The following WDR70 variants were observed in gnomAD, a reference collection of about 807,000 sequenced individuals.
WDR70 encodes WD repeat domain 70, also known as WD repeat-containing protein 70.
A neutral mutation model predicts 88.6 loss-of-function variants in WDR70; 53 were observed. That is an observed-to-expected ratio of 0.60 (90% CI 0.48 to 0.75). The LOEUF (loss-of-function observed/expected upper bound fraction) is 0.75, where lower values mean the gene tolerates loss of function less well. Ranked by LOEUF, WDR70 falls within the 30% of genes least tolerant of loss-of-function variation. The pLI, the probability that WDR70 is intolerant of heterozygous loss-of-function variation, is 0.00. For missense variants in WDR70, 610 were observed against 823.2 expected (o/e 0.74, Z 3.17); for synonymous variants, 280 against 270.0 (o/e 1.04, Z -0.36).
At chr5:37,591,876 G>A (rs568404846) in intron 9 of WDR70, among the ~76,000 whole-genome samples, 4 of 152,126 alleles carry the variant, frequency 2.6e-5, no homozygotes, top group Non-Finnish European at 4.4e-5. Flanking sequence ...GGATTGAAAG[G>A]ATTGAAAATC....
intron 9 of WDR70, among the ~76,000 whole-genome samples, chr5:37,593,147 C>T (rs1000150303): frequency 2.6e-5 from 4 of 152,130 alleles, no homozygotes; most frequent in Non-Finnish European, 5.9e-5. Context: ...GAGCAAGACT[C>T]TGTCTCTCTC....
chr5:37,529,526 G>T (rs1460521445), intron 9 of WDR70, among the ~76,000 whole-genome samples: 1 of 151,994 alleles, frequency 6.6e-6, no homozygotes, highest in Non-Finnish European at 1.5e-5. Context: ...TCCTTGTAGA[G>T]GTCTTTCATG....
intron 5 of WDR70, among the ~76,000 whole-genome samples, chr5:37,403,619 C>T (rs927436848): frequency 9.2e-5 from 14 of 152,310 alleles, no homozygotes; most frequent in South Asian, 6.2e-4. Flanking sequence ...ACCAATTTCA[C>T]ATAGTGGAGT....
chr5:37,628,132 C>T (rs560400625), intron 10 of WDR70, among the ~76,000 whole-genome samples: 1 of 152,264 alleles, frequency 6.6e-6, no homozygotes, highest in East Asian at 1.9e-4. Flanking sequence ...CTACATTGCC[C>T]AGGGTTGTCT....
intron 8 of WDR70, among the ~76,000 whole-genome samples, chr5:37,500,716 CTTTTTTTTTTT>C (rs550821207): frequency 3.2e-5 from 2 of 63,292 alleles, no homozygotes; most frequent in South Asian, 7.0e-4. Flanking sequence ...TATTTGTTGG[CTTTTTTTTTTT>C]TTTTTTTTTT....
intron 10 of WDR70, among the ~76,000 whole-genome samples, chr5:37,614,108 G>T (rs1271322022): frequency 6.6e-6 from 1 of 152,180 alleles, no homozygotes; most frequent in Non-Finnish European, 1.5e-5. Context: ...ATAGGCTAAA[G>T]TCTCTTTGGG....
intron 10 of WDR70, among the ~76,000 whole-genome samples, chr5:37,655,100 G>T (rs944847823): frequency 9.9e-5 from 15 of 152,020 alleles, no homozygotes; most frequent in African/African-American, 3.6e-4. Flanking sequence ...TTTCCTTTCT[G>T]TATTTATTCT....
chr5:37,530,604 G>C (rs1561890485), intron 9 of WDR70, among the ~76,000 whole-genome samples: 1 of 148,860 alleles, frequency 6.7e-6, no homozygotes, highest in East Asian at 1.9e-4. Context: ...GGTGTTCATA[G>C]TAGCCTTGAA....
intron 10 of WDR70, among the ~76,000 whole-genome samples, chr5:37,687,492 G>A (rs1342481972): frequency 6.6e-6 from 1 of 152,150 alleles, no homozygotes; most frequent in Non-Finnish European, 1.5e-5. Flanking sequence ...GATGGGGCTT[G>A]TTTTGTAGCA....
At chr5:37,725,200 A>G (rs1747936906) in intron 16 of WDR70, 150 bp downstream of exon 16, 1 of 646,918 alleles carries the variant, frequency 1.5e-6, no homozygotes, top group Non-Finnish European at 2.6e-6. Flanking sequence ...CTTTTTAGTA[A>G]CAGAAAAGCT....
At chr5:37,715,939 C>T (rs998145745) in intron 13 of WDR70, among the ~76,000 whole-genome samples, 14 of 152,008 alleles carry the variant, frequency 9.2e-5, no homozygotes, top group African/African-American at 3.1e-4. Flanking sequence ...CACACACACA[C>T]CCATTCAAAT....
At chr5:37,748,962 T>C (rs913185039) in intron 17 of WDR70, among the ~76,000 whole-genome samples, 1 of 152,198 alleles carries the variant, frequency 6.6e-6, no homozygotes, top group East Asian at 1.9e-4. Context: ...AAACAATAGA[T>C]GCTGGCAAGG....
intron 9 of WDR70, among the ~76,000 whole-genome samples, chr5:37,567,758 G>T (rs538104749): frequency 6.6e-6 from 1 of 152,192 alleles, no homozygotes; most frequent in African/African-American, 2.4e-5. Context: ...TTCAGCCTTG[G>T]CAGATCGCAG....
At chr5:37,629,299 C>T (rs929059895) in intron 10 of WDR70, among the ~76,000 whole-genome samples, 4 of 152,134 alleles carry the variant, frequency 2.6e-5, no homozygotes, top group Non-Finnish European at 5.9e-5. Context: ...TTTGAGCTCC[C>T]TGGACCTAAA....
chr5:37,563,889 C>T (rs1323450183), intron 9 of WDR70, among the ~76,000 whole-genome samples: 2 of 124,550 alleles, frequency 1.6e-5, no homozygotes, highest in Admixed American at 1.7e-4. Context: ...ACTTCTCAGA[C>T]GGGGCGGCCG....
At chr5:37,572,908 T>C (rs1742948643) in intron 9 of WDR70, among the ~76,000 whole-genome samples, 1 of 152,178 alleles carries the variant, frequency 6.6e-6, no homozygotes, top group Non-Finnish European at 1.5e-5. Context: ...CATAATCTTG[T>C]TCTAACTCTT....
intron 9 of WDR70, among the ~76,000 whole-genome samples, chr5:37,558,600 A>G (rs907405904): frequency 1.3e-5 from 2 of 152,122 alleles, no homozygotes; most frequent in African/African-American, 4.8e-5. Flanking sequence ...TGCTGAGATT[A>G]GAGGCATGAG....
At chr5:37,604,817 A>G (rs1036386842) in intron 9 of WDR70, among the ~76,000 whole-genome samples, 5 of 152,218 alleles carry the variant, frequency 3.3e-5, no homozygotes, top group Admixed American at 3.3e-4. Context: ...ATCGATTGGA[A>G]GTAGAATTTG....
Position 37,389,602 on chromosome 5 carries a change from C to T in WDR70, c.176-2398C>T, listed in dbSNP as rs1027730470. Reference sequence around the variant, plus strand: ...AATTTTTTTGTATTTTTAGTAGAGACGGGATTTCCCCGTGTTCGCCAAGAT... The same window carrying T: ...AATTTTTTTGTATTTTTAGTAGAGATGGGATTTCCCCGTGTTCGCCAAGAT... On this transcript the variant is annotated intron_variant, in intron 3 of 17. Transcript: ENST00000265107. Among the ~76,000 whole-genome samples, 22 of 152,152 alleles carry T rather than the reference C, an allele frequency of 1.4e-4. 2 individuals are homozygous for T. The South Asian group carries it at 3.1e-3, about 22-fold the overall frequency.
Sources: gnomAD v4.1 joint callset for allele counts (sites outside exome capture counted in the v4.1 genomes callset) on GRCh38, gnomAD v4.1.1 for gene constraint, MANE v1.5 for transcripts, NCBI Gene and HGNC (gene_info 2026-07-23, HGNC 2026-07-21) for gene names.